TMEM132D: variants seen among roughly 807,000 people sequenced by gnomAD.
TMEM132D encodes the protein transmembrane protein 132D, also known as mature OL transmembrane protein.
A neutral mutation model predicts 62.3 loss-of-function variants in TMEM132D; 21 were observed. That is an observed-to-expected ratio of 0.34 (90% CI 0.24 to 0.49). The LOEUF (loss-of-function observed/expected upper bound fraction) is 0.49, where lower values mean the gene tolerates loss of function less well. Ranked by LOEUF, TMEM132D falls within the 20% of genes least tolerant of loss-of-function variation. The pLI is 0.99. For synonymous variants in TMEM132D, 621 were observed against 575.6 expected (o/e 1.08, Z -1.13); for missense variants, 1,346 against 1,402.8 (o/e 0.96, Z 0.65).
In TMEM132D at chr12:129,223,964, G is replaced by A. The variant is rs79877394; in HGVS notation, c.1300-14301C>T. On this transcript the variant is annotated intron_variant, in intron 4 of 8. Coordinates refer to ENST00000422113, the MANE Select transcript of TMEM132D (RefSeq NM_133448.3). ...ATTCTTTGTTATCAGGATGTTCCATGCCTTATAAGTTGTGCATTGCAGCAT... is the reference window on the plus strand; with the variant it reads ...ATTCTTTGTTATCAGGATGTTCCATACCTTATAAGTTGTGCATTGCAGCAT... Among the ~76,000 whole-genome samples the A allele has an allele frequency of 2.5e-3, 381 of 152,204 alleles. 1 individual carries two copies. Among genetic ancestry groups the A allele is most frequent in the Middle Eastern group, 0.017 (5 of 294 alleles).
At chr12:129,300,329 C>T (rs985441748) in intron 4 of TMEM132D, among the ~76,000 whole-genome samples, 16 of 152,160 alleles carry the variant, frequency 1.1e-4, no homozygotes, top group African/African-American at 3.6e-4. Context: ...CAAATGGGAA[C>T]GTCATCAATC....
intron 5 of TMEM132D, among the ~76,000 whole-genome samples, chr12:129,157,208 C>A (rs773970894): frequency 6.6e-6 from 1 of 152,244 alleles, no homozygotes; most frequent in Admixed American, 6.5e-5. Flanking sequence ...CCTGAGATAT[C>A]TAACCCATTC....
chr12:129,148,988 G>A (rs1876995875), intron 5 of TMEM132D, among the ~76,000 whole-genome samples: 1 of 152,122 alleles, frequency 6.6e-6, no homozygotes, highest in Non-Finnish European at 1.5e-5. Flanking sequence ...TGACAAAAAG[G>A]GACTTTTTTT....
intron 2 of TMEM132D, among the ~76,000 whole-genome samples, chr12:129,665,040 A>G (rs962775098): frequency 6.6e-5 from 10 of 152,130 alleles, no homozygotes; most frequent in Non-Finnish European, 1.3e-4. Flanking sequence ...AACTACTACC[A>G]CATTATTAAC....
chr12:129,803,402 A>G (rs1871864801), intron 1 of TMEM132D, among the ~76,000 whole-genome samples: 1 of 152,162 alleles, frequency 6.6e-6, no homozygotes. Flanking sequence ...AAACTGCACA[A>G]CTACATGGAA....
chr12:129,335,513 G>A (rs576154903), intron 4 of TMEM132D, among the ~76,000 whole-genome samples: 1 of 152,220 alleles, frequency 6.6e-6, no homozygotes, highest in South Asian at 2.1e-4. Context: ...CTCTACAGAT[G>A]AGGAAATTGA....
At chr12:129,609,026 T>C (rs1373667605) in intron 2 of TMEM132D, among the ~76,000 whole-genome samples, 2 of 151,542 alleles carry the variant, frequency 1.3e-5, no homozygotes, top group East Asian at 1.9e-4. Flanking sequence ...CTGCAACCTC[T>C]ACCTCCTGGG....
At chr12:129,540,412 AAGTG>A (rs1876552473) in intron 2 of TMEM132D, among the ~76,000 whole-genome samples, 1 of 152,174 alleles carries the variant, frequency 6.6e-6, no homozygotes, top group African/African-American at 2.4e-5. Flanking sequence ...TAAAGGACTG[AAGTG>A]AGTAATTCGA....
At chr12:129,212,711 C>T (rs1285601985) in intron 4 of TMEM132D, 1 of 152,248 alleles carries the variant, frequency 6.6e-6, no homozygotes, top group African/African-American at 2.4e-5. Flanking sequence ...TCACTTCATA[C>T]ACCCTTTCTG....
intron 3 of TMEM132D, among the ~76,000 whole-genome samples, chr12:129,451,856 G>A (rs1873297202): frequency 6.6e-6 from 1 of 152,172 alleles, no homozygotes. Flanking sequence ...GGCAAGAACT[G>A]GGTCACACGG....
chr12:129,509,878 C>T (rs2137073117), intron 3 of TMEM132D, among the ~76,000 whole-genome samples: 1 of 152,292 alleles, frequency 6.6e-6, no homozygotes, highest in Non-Finnish European at 1.5e-5. Context: ...CGCTGATGGA[C>T]ACTTAGGTTG....
At chr12:129,711,381 G>A (rs908504128) in intron 1 of TMEM132D, among the ~76,000 whole-genome samples, 3 of 152,156 alleles carry the variant, frequency 2.0e-5, no homozygotes, top group Non-Finnish European at 4.4e-5. Context: ...CTATCAATCA[G>A]GTTCCAGGTG....
At chr12:129,390,135 T>A (rs1468890546) in intron 3 of TMEM132D, among the ~76,000 whole-genome samples, 1 of 152,226 alleles carries the variant, frequency 6.6e-6, no homozygotes, top group Non-Finnish European at 1.5e-5. Flanking sequence ...CTCCTTATCT[T>A]TCCAGTTGCC....
At chr12:129,294,377 T>C (rs1410739472) in intron 4 of TMEM132D, among the ~76,000 whole-genome samples, 1 of 152,190 alleles carries the variant, frequency 6.6e-6, no homozygotes, top group African/African-American at 2.4e-5. Context: ...TCTGTCTTGG[T>C]GATTGGGGCT....
intron 5 of TMEM132D, among the ~76,000 whole-genome samples, chr12:129,168,166 A>C (rs1877618001): frequency 6.6e-6 from 1 of 152,162 alleles, no homozygotes; most frequent in Non-Finnish European, 1.5e-5. Context: ...CCCTGGAAAA[A>C]TTGCAGCTTT....
chr12:129,238,328 C>T (rs534426447), intron 4 of TMEM132D, among the ~76,000 whole-genome samples: 17 of 152,266 alleles, frequency 1.1e-4, no homozygotes, highest in African/African-American at 2.6e-4. Flanking sequence ...TTTAAAATTA[C>T]GATAAAATAC....
chr12:129,077,043 CA>C (rs34476467), intron 8 of TMEM132D, among the ~76,000 whole-genome samples: 1 of 152,180 alleles, frequency 6.6e-6, no homozygotes, highest in Non-Finnish European at 1.5e-5. Flanking sequence ...TTTTCTAACC[CA>C]AAACTCTGCA....
intron 3 of TMEM132D, among the ~76,000 whole-genome samples, chr12:129,452,698 A>G (rs947405322): frequency 6.8e-6 from 1 of 148,070 alleles, no homozygotes; most frequent in African/African-American, 2.5e-5. Context: ...AGAAAAAAAG[A>G]AGAAAAGAAA....
At chr12:129,262,960 G>A (rs970602844) in intron 4 of TMEM132D, 2 of 132,572 alleles carry the variant, frequency 1.5e-5, no homozygotes, top group Non-Finnish European at 3.4e-5. Context: ...CTGGCTTCTG[G>A]TTGGGGTTGG....
Sources: allele counts gnomAD v4.1 joint callset (sites outside exome capture counted in the v4.1 genomes callset), GRCh38; gene constraint gnomAD v4.1.1; transcripts MANE v1.5; gene names NCBI Gene and HGNC (gene_info 2026-07-23, HGNC 2026-07-21).